The following JAM2 variants were observed in gnomAD, a reference collection of about 807,000 sequenced individuals.
JAM2 encodes junctional adhesion molecule B.
A neutral mutation model predicts 42.0 loss-of-function variants in JAM2; 17 were observed. The observed-to-expected ratio is 0.40, with a 90% CI of 0.28 to 0.61. The LOEUF (loss-of-function observed/expected upper bound fraction) is 0.61, where lower values mean the gene tolerates loss of function less well. Among genes scored for constraint, JAM2 ranks in the 20% least tolerant of loss-of-function variants. The pLI is 0.37. For synonymous variants in JAM2, 118 were observed against 128.6 expected, an observed-to-expected ratio of 0.92 and a Z score of 0.56; for missense variants, 319 against 358.3, an observed-to-expected ratio of 0.89 and a Z score of 0.89.
chr21:25,689,785 T>TCCC, intron 2 of JAM2, 81 bp from the exon 3 acceptor site: 1 of 851,384 alleles, frequency 1.2e-6, no homozygotes, highest in South Asian at 1.5e-5. Flanking sequence ...TTAAAGTTGT[T>TCCC]TACAATTTTG....
chr21:25,672,773 A>C (rs986463819), intron 1 of JAM2, among the ~76,000 whole-genome samples: 1 of 152,186 alleles, frequency 6.6e-6, no homozygotes, highest in African/African-American at 2.4e-5. Flanking sequence ...CATTACGCCA[A>C]GTGTCTGTTT....
intron 4 of JAM2, 66 bp downstream of exon 4, chr21:25,693,974 A>C: frequency 6.7e-7 from 1 of 1,491,834 alleles, no homozygotes; most frequent in Non-Finnish European, 9.2e-7. Context: ...CCTGGGGGCA[A>C]GCAAGCACTG....
At chr21:25,657,363 AG>A (rs1214387454) in intron 1 of JAM2, among the ~76,000 whole-genome samples, 2 of 152,218 alleles carry the variant, frequency 1.3e-5, no homozygotes, top group Non-Finnish European at 2.9e-5. Context: ...TTCTCTTACA[AG>A]GTGACTCATG....
chr21:25,703,702 C>T (rs1276701137), intron 6 of JAM2, among the ~76,000 whole-genome samples: 3 of 150,530 alleles, frequency 2.0e-5, no homozygotes, highest in Non-Finnish European at 4.4e-5. Flanking sequence ...CTGGGCCTTT[C>T]AGCAGTTTAG....
chr21:25,698,579 A>G (rs1340429663), intron 4 of JAM2, 98 bp from the exon 5 acceptor site: 18 of 1,031,060 alleles, frequency 1.7e-5, no homozygotes, highest in Non-Finnish European at 2.4e-5. Context: ...TGGCTATTAA[A>G]ACCATTGATT....
Position 25,698,926 on chromosome 21 carries a change from T to C in JAM2, c.597+47T>C, listed in dbSNP as rs201456996. ...ACTTGATAACTGTCTTGCATTTGGA[T>C]AAAAAAATTATTAGAACTTAAGATG... On this transcript the variant is annotated intron_variant, in intron 5 of 9. Coordinates refer to ENST00000480456, the MANE Select transcript of JAM2 (RefSeq NM_021219.4). 1.1e-5 allele frequency: 17 copies of C among 1,507,988 alleles called. No homozygotes were observed. In the Admixed American group the frequency reaches 2.9e-4, roughly 25 times the overall value. The allele number at this position is 1,507,988 out of a possible 1,614,324, so 93.4% of individuals were successfully genotyped here.
At chr21:25,689,085 C>A (rs1302187003) in intron 2 of JAM2, among the ~76,000 whole-genome samples, 1 of 150,896 alleles carries the variant, frequency 6.6e-6, no homozygotes, top group Non-Finnish European at 1.5e-5. Context: ...TTTGGAGGCT[C>A]CAAGTATTAA....
chr21:25,651,612 GT>G (rs1197542822), intron 1 of JAM2, among the ~76,000 whole-genome samples: 1 of 152,152 alleles, frequency 6.6e-6, no homozygotes, highest in Non-Finnish European at 1.5e-5. Context: ...CATCAACCCC[GT>G]TACTGGGAAC....
intron 1 of JAM2, among the ~76,000 whole-genome samples, chr21:25,665,676 C>T (rs577535465): frequency 5.3e-5 from 8 of 152,066 alleles, no homozygotes; most frequent in Non-Finnish European, 1.0e-4. Flanking sequence ...GTCTTTTGTT[C>T]AATTTAGGCC....
chr21:25,708,715 CA>C (rs2123416146), intron 7 of JAM2, among the ~76,000 whole-genome samples: 2 of 152,200 alleles, frequency 1.3e-5, no homozygotes, highest in East Asian at 3.9e-4. Context: ...ATAACTCTTC[CA>C]AAACTCTTGT....
At chr21:25,701,009 T>C (rs2034154002) in intron 5 of JAM2, among the ~76,000 whole-genome samples, 1 of 152,218 alleles carries the variant, frequency 6.6e-6, no homozygotes, top group Non-Finnish European at 1.5e-5. Flanking sequence ...ACCTCAACCC[T>C]TGAAATAGCT....
At chr21:25,676,997 T>C (rs974308659) in intron 1 of JAM2, among the ~76,000 whole-genome samples, 6 of 152,178 alleles carry the variant, frequency 3.9e-5, no homozygotes, top group African/African-American at 9.7e-5. Context: ...TTTTAAATAT[T>C]TTTACTTAAT....
intron 1 of JAM2, among the ~76,000 whole-genome samples, chr21:25,649,907 A>G (rs1417599573): frequency 6.6e-6 from 1 of 152,238 alleles, no homozygotes; most frequent in Admixed American, 6.5e-5. Flanking sequence ...ATGGCATCAC[A>G]TGTGGAAACA....
chr21:25,675,515 G>GGA (rs773908999), intron 1 of JAM2, among the ~76,000 whole-genome samples: 2 of 149,246 alleles, frequency 1.3e-5, no homozygotes, highest in Non-Finnish European at 3.0e-5. Context: ...AAGAGAGAGA[G>GGA]GAGAGAGAGA....
chr21:25,662,017 T>C (rs1158900104), intron 1 of JAM2, among the ~76,000 whole-genome samples: 3 of 152,202 alleles, frequency 2.0e-5, no homozygotes, highest in Admixed American at 6.5e-5. Context: ...CCTTTATATG[T>C]AGTTAAGGTA....
intron 8 of JAM2, chr21:25,709,667 T>G (rs2034343252): frequency 5.2e-6 from 2 of 386,194 alleles, no homozygotes; most frequent in Non-Finnish European, 9.5e-6. Flanking sequence ...AAAAAGAGGT[T>G]TAATTGGCTC....
intron 6 of JAM2, among the ~76,000 whole-genome samples, chr21:25,705,699 A>T (rs1162303477): frequency 1.3e-5 from 2 of 152,244 alleles, no homozygotes; most frequent in African/African-American, 4.8e-5. Context: ...CCTGTGAATT[A>T]TTACACATCT....
At chr21:25,662,373 GCCCT>G (rs1237329318) in intron 1 of JAM2, among the ~76,000 whole-genome samples, 1 of 151,988 alleles carries the variant, frequency 6.6e-6, no homozygotes, top group Non-Finnish European at 1.5e-5. Context: ...CACTCTTGAA[GCCCT>G]GGGCTCAAAC....
chr21:25,690,210 T>C (rs1047751192), intron 3 of JAM2, among the ~76,000 whole-genome samples: 5 of 152,240 alleles, frequency 3.3e-5, no homozygotes, highest in African/African-American at 1.2e-4. Flanking sequence ...GCATAAAGTA[T>C]GCAAAATGCA....
Sources: allele counts gnomAD v4.1 joint callset (sites outside exome capture counted in the v4.1 genomes callset), GRCh38; gene constraint gnomAD v4.1.1; transcripts MANE v1.5; gene names NCBI Gene and HGNC (gene_info 2026-07-23, HGNC 2026-07-21).